Variants in TNRC6B observed in about 807,000 individuals in gnomAD.
TNRC6B encodes trinucleotide repeat-containing gene 6B protein.
TNRC6B carries 52 observed loss-of-function variants against 203.6 expected under a neutral mutation model. That is an observed-to-expected ratio of 0.26 (90% confidence interval 0.20 to 0.32). TNRC6B has a LOEUF of 0.32. Ranked by LOEUF, TNRC6B falls within the 10% of genes least tolerant of loss-of-function variation. The probability of loss-of-function intolerance (pLI) is 1.00; values close to 1 mark genes in which losing one functional copy is unlikely to be tolerated. For missense variants in TNRC6B, 1,923 were observed against 2,286.2 expected (o/e 0.84, Z 3.24); for synonymous variants, 838 against 845.7 (o/e 0.99, Z 0.16).
At chr22:40,300,640 T>G in intron 13 of TNRC6B, 54 bp downstream of exon 13, 1 of 1,565,960 alleles carries the variant, frequency 6.4e-7, no homozygotes, top group South Asian at 1.2e-5. Context: ...TTTTTTTTTT[T>G]CTTTAGCTTT....
At chr22:40,300,323 TA>T (rs2071005980) in intron 12 of TNRC6B, 131 bp from the exon 13 acceptor site, 5 of 781,046 alleles carry the variant, frequency 6.4e-6, no homozygotes, top group Non-Finnish European at 5.6e-6. Flanking sequence ...TTTCCTGTTA[TA>T]TATTTTTCAC....
Position 40,266,171 on chromosome 22 carries a change from C to G in TNRC6B, c.1941C>G (p.Asp647Glu). ...TGCCAAGGCCTGAGGGGAAATCTGA[C>G]AAAGGAACTGAGGGGTGGGAGAGCG... ...EEVPRPEGKS[D>E]KGTEGWESAA... The change falls in exon 5 of 23, where the codon GAC (aspartate) becomes GAG (glutamate). Residue 647 changes from aspartate to glutamate, a missense_variant. Asp to Glu is a conservative substitution (Grantham distance 45). Coordinates refer to ENST00000454349, the MANE Select transcript of TNRC6B (RefSeq NM_001162501.2). 6.2e-7 allele frequency: 1 copy of G among 1,613,700 alleles called. No individual in the cohort carries two copies. The highest frequency in any genetic ancestry group is 1.3e-5 in the African/African-American group (1 of 75,008).
At chr22:40,270,844 A>C (rs2070552813) in intron 6 of TNRC6B, among the ~76,000 whole-genome samples, 1 of 152,234 alleles carries the variant, frequency 6.6e-6, no homozygotes, top group South Asian at 2.1e-4. Flanking sequence ...GGACAGAATT[A>C]TAATTTTGAT....
intron 3 of TNRC6B, among the ~76,000 whole-genome samples, chr22:40,141,908 G>C (rs2068647661): frequency 6.6e-6 from 1 of 151,962 alleles, no homozygotes; most frequent in African/African-American, 2.4e-5. Context: ...CCGAGTAGCT[G>C]AGACTGCAGG....
At position 40,300,522 on chromosome 22, in the gene TNRC6B, C is replaced by G; in HGVS notation, c.3776C>G (p.Pro1259Arg). The G allele has an allele frequency of 1.2e-6, 2 of 1,613,020 alleles. No individual in the cohort carries two copies. Among genetic ancestry groups the G allele is most frequent in the Non-Finnish European group, 1.7e-6 (2 of 1,179,574 alleles). Residue 1259 changes from proline to arginine, a missense_variant, in exon 13 of 23, where the codon CCC becomes CGC. Pro to Arg is a moderately radical substitution (Grantham distance 103). Around this residue, in one of 8 missense-constraint regions of TNRC6B, gnomAD observed 242 missense variants for 399.5 expected, o/e 0.61. Transcript: ENST00000454349. The stretch of plus-strand genomic sequence containing the variant: ...AGTCCAGGTCTTTTCAATGTGGGGC[C>G]CCAGTTATCTCCTCAACAAATTGCC... ...GLSPGLFNVG[P>R]QLSPQQIAML...
At chr22:40,219,540 C>T (rs1436597600) in intron 1 of TNRC6B, among the ~76,000 whole-genome samples, 3 of 152,152 alleles carry the variant, frequency 2.0e-5, no homozygotes, top group African/African-American at 2.4e-5. Flanking sequence ...AGGCATTCAC[C>T]GTGCCCCTCA....
At chr22:40,315,870 A>T in intron 20 of TNRC6B, 72 bp from the exon 21 acceptor site, 8 of 1,113,042 alleles carry the variant, frequency 7.2e-6, no homozygotes, top group South Asian at 1.4e-5. Context: ...CTACATGAAA[A>T]TCTTTCTCCC....
chr22:40,301,314 A>G lies in TNRC6B; in HGVS notation c.4101A>G (p.Pro1367=). The G allele has an allele frequency of 6.2e-7, 1 of 1,606,344 alleles. No individual in the cohort carries two copies. Among genetic ancestry groups the G allele is most frequent in the Non-Finnish European group, 8.5e-7 (1 of 1,175,814 alleles). The change falls in exon 15 of 23, where the codon CCA becomes CCG. Residue 1367 remains proline (P), a synonymous_variant. Coordinates refer to ENST00000454349, the MANE Select transcript of TNRC6B (RefSeq NM_001162501.2). ...VGLPDLQTKG[P]IPGYGSGFSS... ...TCCCAGACCTTCAAACCAAAGGGCC[A>G]ATACCTGGATATGGTTCTGGTAAGT...
At chr22:40,243,741 C>T (rs1269729421) in intron 1 of TNRC6B, among the ~76,000 whole-genome samples, 2 of 152,058 alleles carry the variant, frequency 1.3e-5, no homozygotes, top group African/African-American at 4.8e-5. Context: ...CATGCCACCA[C>T]GCCCAGCTAA....
chr22:40,198,147 G>A (rs2146402780), intron 1 of TNRC6B, among the ~76,000 whole-genome samples: 1 of 152,174 alleles, frequency 6.6e-6, no homozygotes, highest in African/African-American at 2.4e-5. Context: ...TTAAAGGCAA[G>A]TACATGCCCA....
chr22:40,136,026 T>C (rs1363486086), intron 3 of TNRC6B, among the ~76,000 whole-genome samples: 1 of 152,086 alleles, frequency 6.6e-6, no homozygotes, highest in Non-Finnish European at 1.5e-5. Flanking sequence ...GCAAGAACCG[T>C]AGGTGAGGAA....
intron 3 of TNRC6B, among the ~76,000 whole-genome samples, chr22:40,259,485 G>A (rs1183427144): frequency 6.6e-6 from 1 of 152,196 alleles, no homozygotes; most frequent in Non-Finnish European, 1.5e-5. Flanking sequence ...GCCTCCCAAA[G>A]TGCTGGGATT....
At chr22:40,089,444 G>T (rs982084804) in intron 1 of TNRC6B, among the ~76,000 whole-genome samples, 4 of 151,974 alleles carry the variant, frequency 2.6e-5, no homozygotes, top group African/African-American at 9.7e-5. Context: ...TGTTGGCCAG[G>T]CTGGTTGTGA....
At chr22:40,072,442 A>G (rs1033340093) in intron 1 of TNRC6B, among the ~76,000 whole-genome samples, 12 of 152,186 alleles carry the variant, frequency 7.9e-5, no homozygotes, top group African/African-American at 2.9e-4. Context: ...AATCCATAAT[A>G]AAGAAGATCA....
Position 40,281,940 on chromosome 22 carries a change from C to T in TNRC6B, c.3582+651C>T, listed in dbSNP as rs563854668. Among the ~76,000 whole-genome samples the T allele has an allele frequency of 5.9e-5, 9 of 152,304 alleles. 1 individual carries two copies. The South Asian group carries it at 1.9e-3, about 32-fold the overall frequency. ...GCCTGGGAGGATCATGCCTCCTCAC[C>T]TTGCCAGGCCTGAGGGTGCACAGCA... On this transcript the variant is annotated intron_variant, in intron 11 of 22. Coordinates refer to ENST00000454349, the MANE Select transcript of TNRC6B (RefSeq NM_001162501.2).
rs117523754 is a variant in TNRC6B at position 40,305,512 on chromosome 22, A to G, written c.4121-3000A>G. On this transcript the variant is annotated intron_variant, in intron 15 of 22. Coordinates refer to ENST00000454349, the MANE Select transcript of TNRC6B (RefSeq NM_001162501.2). ...TCTTCTTTGTTAGTGCACCCACTAG[A>G]GCACAGTGTCCCAGAATTCCTTCCA... 2.8e-4 allele frequency among the ~76,000 whole-genome samples: 42 copies of G among 152,340 alleles called. No homozygotes were observed. In the East Asian group the frequency reaches 7.7e-3, roughly 28 times the overall value.
chr22:40,087,121 GTTTGGTGTAAGTAATGTGTTTCTGGA>G (rs1349903548), intron 1 of TNRC6B, among the ~76,000 whole-genome samples: 1 of 152,154 alleles, frequency 6.6e-6, no homozygotes, highest in East Asian at 1.9e-4. Context: ...TTAGTTTTGT[GTTTGGTGTAAGTAATGTGTTTCTGGA>G]TATTTTTATC....
At chr22:40,093,308 G>A (rs73424212) in intron 1 of TNRC6B, among the ~76,000 whole-genome samples, 6,702 of 152,208 alleles carry the variant, frequency 0.044, 447 homozygotes, top group African/African-American at 0.14. Flanking sequence ...GTTAAAGAAA[G>A]GTTAAGATGC....
At chr22:40,113,920 A>G (rs1479737667) in intron 1 of TNRC6B, among the ~76,000 whole-genome samples, 6 of 152,158 alleles carry the variant, frequency 3.9e-5, no homozygotes, top group Admixed American at 6.5e-5. Flanking sequence ...CCAACAATGT[A>G]GGCAGACAGG....
Sources: gnomAD v4.1 joint callset for allele counts (sites outside exome capture counted in the v4.1 genomes callset) on GRCh38, gnomAD v4.1.1 for gene constraint, gnomAD v4.1.1 regional missense constraint, MANE v1.5 for transcripts, NCBI Gene and HGNC (gene_info 2026-07-23, HGNC 2026-07-21) for gene names.